SPOCK3: variants seen among roughly 807,000 people sequenced by gnomAD.
SPOCK3 encodes the protein testican-3.
Under a neutral mutation model 56.6 loss-of-function variants are expected in SPOCK3, and 30 were observed. The ratio of observed to expected loss-of-function variants is 0.53; its 90% CI spans 0.40 to 0.72. SPOCK3 has a LOEUF of 0.72. SPOCK3 is among the 30% of genes least tolerant of loss of function. The pLI, the probability that SPOCK3 is intolerant of heterozygous loss-of-function variation, is 0.00. For synonymous variants in SPOCK3, 196 were observed against 183.3 expected (o/e 1.07, Z -0.56); for missense variants, 527 against 530.0 (o/e 0.99, Z 0.06).
At chr4:166,808,286 A>G (rs904406170) in intron 6 of SPOCK3, among the ~76,000 whole-genome samples, 2 of 152,008 alleles carry the variant, frequency 1.3e-5, no homozygotes, top group Non-Finnish European at 2.9e-5. Flanking sequence ...TCTCCTTGCT[A>G]TAGACTAAAT....
At chr4:166,924,496 G>A (rs1738847425) in intron 4 of SPOCK3, among the ~76,000 whole-genome samples, 1 of 152,192 alleles carries the variant, frequency 6.6e-6, no homozygotes, top group African/African-American at 2.4e-5. Flanking sequence ...ACGAACTCAT[G>A]CTAATTTCCC....
intron 2 of SPOCK3, among the ~76,000 whole-genome samples, chr4:167,089,600 T>G (rs545203823): frequency 1.3e-5 from 2 of 152,148 alleles, no homozygotes; most frequent in Non-Finnish European, 2.9e-5. Flanking sequence ...AAATCAGACT[T>G]TTAAAAAAAT....
intron 2 of SPOCK3, among the ~76,000 whole-genome samples, chr4:167,116,573 CAT>C (rs1389377607): frequency 4.9e-5 from 4 of 81,042 alleles, no homozygotes; most frequent in Non-Finnish European, 7.0e-5. Flanking sequence ...TACTTTTATA[CAT>C]ATATAGTTTT....
Position 166,979,351 on chromosome 4 carries a change from G to A in SPOCK3, c.350+20998C>T, listed in dbSNP as rs567516120. ...CCCCGTCAATGAAAAACAGTCTCTGGTGGTAAACTCCAACCCTACAATAAA... is the reference window on the plus strand; with the variant it reads ...CCCCGTCAATGAAAAACAGTCTCTGATGGTAAACTCCAACCCTACAATAAA... On this transcript the variant is annotated intron_variant, in intron 4 of 10. Transcript: ENST00000357545. Among the ~76,000 whole-genome samples the A allele has an allele frequency of 2.6e-5, 4 of 152,104 alleles. 1 individual carries two copies. In the East Asian group the frequency reaches 7.7e-4, roughly 29 times the overall value.
At chr4:167,008,785 C>G (rs918218995) in intron 3 of SPOCK3, among the ~76,000 whole-genome samples, 4 of 151,918 alleles carry the variant, frequency 2.6e-5, no homozygotes, top group Non-Finnish European at 5.9e-5. Context: ...GGGAGCTAAA[C>G]AAAGAGTACA....
chr4:166,868,752 C>T (rs759790117), intron 6 of SPOCK3, among the ~76,000 whole-genome samples: 3 of 151,934 alleles, frequency 2.0e-5, no homozygotes, highest in Admixed American at 6.6e-5. Context: ...CTTAATCCCG[C>T]GAAAATAAAA....
chr4:167,040,371 T>C lies in SPOCK3; in HGVS notation c.235+22121A>G, dbSNP rs1753139015. Among the ~76,000 whole-genome samples the C allele has an allele frequency of 3.3e-5, 5 of 152,284 alleles. No individual in the cohort carries two copies. The South Asian group carries it at 1.0e-3, about 32-fold the overall frequency. The stretch of plus-strand genomic sequence containing the variant: ...ATATAAATGACTAGCTTTATAGTTA[T>C]TTCATGTAACTTTAGGCAAGTCCCT... On this transcript the variant is annotated intron_variant, in intron 3 of 10. Transcript: ENST00000357545.
chr4:166,842,180 A>C (rs112976632), intron 6 of SPOCK3, among the ~76,000 whole-genome samples: 4 of 152,346 alleles, frequency 2.6e-5, no homozygotes, highest in African/African-American at 7.2e-5. Context: ...GAGCAGCAGC[A>C]AGATTTATTG....
chr4:167,213,698 C>T (rs9998947), intron 2 of SPOCK3, among the ~76,000 whole-genome samples: 19,201 of 151,030 alleles, frequency 0.13, 1,450 homozygotes, highest in East Asian at 0.2. Flanking sequence ...TAAGTCAAAA[C>T]ATCAAGGCTT....
chr4:167,089,222 AC>A (rs1758491874), intron 2 of SPOCK3, among the ~76,000 whole-genome samples: 1 of 152,138 alleles, frequency 6.6e-6, no homozygotes, highest in South Asian at 2.1e-4. Flanking sequence ...TAATAAAAAA[AC>A]AACAACCGAC....
At chr4:166,835,944 T>C (rs1746568344) in intron 6 of SPOCK3, among the ~76,000 whole-genome samples, 1 of 152,110 alleles carries the variant, frequency 6.6e-6, no homozygotes, top group Non-Finnish European at 1.5e-5. Flanking sequence ...AAGTGGAGGT[T>C]GCAGTGAGCC....
chr4:166,991,322 A>T lies in SPOCK3; in HGVS notation c.350+9027T>A, dbSNP rs527808083. Among the ~76,000 whole-genome samples, 179 of 150,408 alleles carry T rather than the reference A, an allele frequency of 1.2e-3. 1 individual carries two copies. In the Middle Eastern group the frequency reaches 0.038, roughly 32 times the overall value. On this transcript the variant is annotated intron_variant, in intron 4 of 10. Coordinates refer to ENST00000357545, the MANE Select transcript of SPOCK3 (RefSeq NM_001040159.2). ...CATTTATTCCTGAAGCTGAAAAAAG[A>T]TAATGTGACTTTTTGTTTTTATATT...
At chr4:166,750,622 C>T (rs1372502110) in intron 8 of SPOCK3, among the ~76,000 whole-genome samples, 1 of 151,936 alleles carries the variant, frequency 6.6e-6, no homozygotes, top group Non-Finnish European at 1.5e-5. Flanking sequence ...GATTGTTCTG[C>T]ATTCTGAATT....
At chr4:166,857,423 A>G (rs1054451225) in intron 6 of SPOCK3, among the ~76,000 whole-genome samples, 1 of 152,198 alleles carries the variant, frequency 6.6e-6, no homozygotes, top group East Asian at 1.9e-4. Context: ...AGAAATCTGC[A>G]TGAGCCAGCT....
intron 4 of SPOCK3, among the ~76,000 whole-genome samples, chr4:166,975,475 A>C (rs1314663721): frequency 6.6e-6 from 1 of 152,168 alleles, no homozygotes; most frequent in Non-Finnish European, 1.5e-5. Context: ...GTTATCCATC[A>C]CTTCAAGCAT....
At chr4:167,124,583 G>A (rs1002623571) in intron 2 of SPOCK3, among the ~76,000 whole-genome samples, 5 of 151,786 alleles carry the variant, frequency 3.3e-5, no homozygotes, top group African/African-American at 1.2e-4. Flanking sequence ...TGTCAACAGC[G>A]TAACCCATTT....
intron 8 of SPOCK3, among the ~76,000 whole-genome samples, chr4:166,751,354 G>A (rs1259540394): frequency 6.6e-6 from 1 of 152,022 alleles, no homozygotes; most frequent in Non-Finnish European, 1.5e-5. Context: ...AAAAAACCCT[G>A]CATAAACTAG....
At chr4:167,185,706 A>G (rs185950246) in intron 2 of SPOCK3, among the ~76,000 whole-genome samples, 2 of 152,326 alleles carry the variant, frequency 1.3e-5, no homozygotes, top group Admixed American at 6.5e-5. Flanking sequence ...ATATTTTAGC[A>G]TAAACAAATA....
At chr4:167,111,586 T>C (rs1396838065) in intron 2 of SPOCK3, among the ~76,000 whole-genome samples, 1 of 152,168 alleles carries the variant, frequency 6.6e-6, no homozygotes, top group East Asian at 1.9e-4. Context: ...CTAGTTAACA[T>C]TAATTCATCC....
Sources: gnomAD v4.1 joint callset for allele counts (sites outside exome capture counted in the v4.1 genomes callset) on GRCh38, gnomAD v4.1.1 for gene constraint, MANE v1.5 for transcripts, NCBI Gene and HGNC (gene_info 2026-07-23, HGNC 2026-07-21) for gene names.